The following NF1 variants were observed in gnomAD, a reference collection of about 807,000 sequenced individuals.
NF1 encodes neurofibromin.
A neutral mutation model predicts 325.7 loss-of-function variants in NF1; 122 were observed. That is an observed-to-expected ratio of 0.37 (90% CI 0.32 to 0.44). NF1 has a LOEUF of 0.44. Ranked by LOEUF, NF1 falls within the 20% of genes least tolerant of loss-of-function variation. The probability of loss-of-function intolerance (pLI) is 1.00; values close to 1 mark genes in which losing one functional copy is unlikely to be tolerated. For synonymous variants in NF1, 1,091 were observed against 1,186.0 expected (o/e 0.92, Z 1.65); for missense variants, 2,140 against 3,415.4 (o/e 0.63, Z 9.31).
chr17:31,365,487 C>T (rs998170993), intron 57 of NF1, among the ~76,000 whole-genome samples: 6 of 152,052 alleles, frequency 3.9e-5, no homozygotes, highest in African/African-American at 1.2e-4. Context: ...AGAGACTTGA[C>T]GGTTTTTGCC....
intron 11 of NF1, among the ~76,000 whole-genome samples, chr17:31,204,205 G>C (rs540826336): frequency 6.6e-6 from 1 of 151,990 alleles, no homozygotes; most frequent in Admixed American, 6.6e-5. Context: ...GCTATAGCTG[G>C]TATATTACTT....
At chr17:31,117,002 G>A (rs1172420593) in intron 1 of NF1, among the ~76,000 whole-genome samples, 1 of 151,166 alleles carries the variant, frequency 6.6e-6, no homozygotes, top group East Asian at 2.0e-4. Context: ...ATTATTTTTT[G>A]AGATGGAGTC....
At chr17:31,238,951 G>T (rs763332299) in intron 29 of NF1, among the ~76,000 whole-genome samples, 9 of 152,194 alleles carry the variant, frequency 5.9e-5, no homozygotes, top group South Asian at 2.1e-4. Flanking sequence ...CTTCTAGGCA[G>T]ATTAACAGAA....
At chr17:31,172,926 T>G (rs2065955257) in intron 5 of NF1, among the ~76,000 whole-genome samples, 1 of 151,634 alleles carries the variant, frequency 6.6e-6, no homozygotes. Flanking sequence ...ATAATGAGAG[T>G]TGTGGAGATC....
intron 16 of NF1, among the ~76,000 whole-genome samples, chr17:31,224,559 A>G (rs1286247261): frequency 1.3e-5 from 2 of 152,154 alleles, no homozygotes; most frequent in African/African-American, 2.4e-5. Context: ...TCAGACTTTC[A>G]TGGCCTCGCC....
chr17:31,338,835 C>A, intron 46 of NF1, 30 bp downstream of exon 46: 1 of 1,349,416 alleles, frequency 7.4e-7, no homozygotes, highest in South Asian at 1.2e-5. Flanking sequence ...TGAGTGCATT[C>A]ATTTTGGGTA....
At chr17:31,130,562 G>T (rs1279405027) in intron 1 of NF1, among the ~76,000 whole-genome samples, 1 of 151,570 alleles carries the variant, frequency 6.6e-6, no homozygotes, top group Non-Finnish European at 1.5e-5. Flanking sequence ...CGTTCATGCT[G>T]GCTTCAGTGG....
intron 36 of NF1, among the ~76,000 whole-genome samples, chr17:31,317,271 G>C (rs1012617282): frequency 1.3e-5 from 2 of 151,684 alleles, no homozygotes; most frequent in African/African-American, 4.8e-5. Flanking sequence ...ATTGAAGATG[G>C]GGGGGTTCTC....
chr17:31,249,089 A>G lies in NF1; in HGVS notation c.4080A>G (p.Gln1360=), dbSNP rs769845648. 2 of 1,614,004 alleles carry G rather than the reference A, an allele frequency of 1.2e-6. No homozygotes were observed. The highest frequency in any genetic ancestry group is 1.1e-5 in the South Asian group (1 of 91,076). Residue 1360 remains glutamine (Q), a synonymous_variant, in exon 30 of 58, where the codon CAA becomes CAG. Coordinates refer to ENST00000358273, the MANE Select transcript of NF1 (RefSeq NM_001042492.3). ...IISSSSEFPP[Q]LRSVCHCLYQ... ...GTTCCTCCTCAGAATTCCCCCCTCA[A>G]CTTCGAAGTGTGTGCCACTGTTTAT...
Position 31,158,131 on chromosome 17 carries a change from A to G in NF1, c.205-879A>G, listed in dbSNP as rs17878719. ...TCTTACCTCTAGTGTCCTCTCTTCTACTTTTTACTCTTTTTAGCTTCCACA... is the reference window on the plus strand; with the variant it reads ...TCTTACCTCTAGTGTCCTCTCTTCTGCTTTTTACTCTTTTTAGCTTCCACA... On this transcript the variant is annotated intron_variant, in intron 2 of 57. Transcript: ENST00000358273. 1.2e-3 allele frequency among the ~76,000 whole-genome samples: 189 copies of G among 152,128 alleles called. 2 individuals are homozygous for G. The South Asian group carries it at 0.036, about 29-fold the overall frequency.
intron 48 of NF1, among the ~76,000 whole-genome samples, chr17:31,343,707 G>C (rs2069890703): frequency 6.6e-6 from 1 of 151,886 alleles, no homozygotes; most frequent in African/African-American, 2.4e-5. Flanking sequence ...TGTAGTCCCA[G>C]CACTCTGGGA....
At chr17:31,323,247 AAAAC>A (rs2069257787) in intron 36 of NF1, among the ~76,000 whole-genome samples, 2 of 152,018 alleles carry the variant, frequency 1.3e-5, no homozygotes, top group South Asian at 4.2e-4. Flanking sequence ...AAAATACAAA[AAAAC>A]AAAAACAAAA....
chr17:31,225,176 A>G lies in NF1; in HGVS notation c.1927A>G (p.Met643Val), dbSNP rs2144026855. 1 of 1,613,764 alleles carries G rather than the reference A, an allele frequency of 6.2e-7. No individual in the cohort carries two copies. The highest frequency in any genetic ancestry group is 8.5e-7 in the Non-Finnish European group (1 of 1,179,754). Residue 643 changes from methionine (M) to valine (V), a missense_variant, in exon 17 of 58, where the codon ATG (methionine) becomes GTG (valine). This residue lies in a region of NF1 where 45 missense variants were observed against 42.5 expected (regional missense o/e 1.06). Coordinates refer to ENST00000358273, the MANE Select transcript of NF1 (RefSeq NM_001042492.3). ...TCCTTCTAGTGGAAATACCAGTCAA[A>G]TGTCCATGGATCATGAAGAATTACT... ...DIPSSGNTSQ[M>V]SMDHEELLRT...
At chr17:31,130,892 G>A (rs1167082775) in intron 1 of NF1, among the ~76,000 whole-genome samples, 1 of 152,152 alleles carries the variant, frequency 6.6e-6, no homozygotes, top group Non-Finnish European at 1.5e-5. Context: ...GGAGGGTATT[G>A]GCAGGCTCGT....
intron 1 of NF1, among the ~76,000 whole-genome samples, chr17:31,153,409 T>C (rs1917083895): frequency 6.6e-6 from 1 of 152,234 alleles, no homozygotes; most frequent in Non-Finnish European, 1.5e-5. Context: ...TTGAGTGTGC[T>C]CCATTCTCTT....
chr17:31,315,136 T>A (rs947320269), intron 36 of NF1, among the ~76,000 whole-genome samples: 1 of 152,196 alleles, frequency 6.6e-6, no homozygotes, highest in Admixed American at 6.5e-5. Flanking sequence ...TACTAGTGAC[T>A]TTTGAGTTCA....
At chr17:31,219,754 A>G (rs1452242628) in intron 14 of NF1, among the ~76,000 whole-genome samples, 3 of 151,700 alleles carry the variant, frequency 2.0e-5, no homozygotes, top group African/African-American at 7.3e-5. Context: ...ACCAACTACT[A>G]ATCTATTTTC....
At chr17:31,147,794 CAAATTCTGCTTTGCTTTTCAG>C (rs1916681539) in intron 1 of NF1, among the ~76,000 whole-genome samples, 1 of 152,232 alleles carries the variant, frequency 6.6e-6, no homozygotes, top group Admixed American at 6.5e-5. Flanking sequence ...GCAAGGCTTT[CAAATTCTGCTTTGCTTTTCAG>C]AAGTTTTTAG....
chr17:31,181,843 T>C, intron 7 of NF1, 58 bp downstream of exon 7: 1 of 1,166,346 alleles, frequency 8.6e-7, no homozygotes, highest in Non-Finnish European at 1.3e-6. Context: ...ACTTGTGACA[T>C]AAAAACCTAT....
Sources: allele counts gnomAD v4.1 joint callset (sites outside exome capture counted in the v4.1 genomes callset), GRCh38; gene constraint gnomAD v4.1.1; regional missense constraint gnomAD v4.1.1; transcripts MANE v1.5; gene names NCBI Gene and HGNC (gene_info 2026-07-23, HGNC 2026-07-21).